Variants in AOPEP observed in about 807,000 individuals in gnomAD.
AOPEP encodes aminopeptidase O (putative), also known as aminopeptidase O.
In AOPEP, 77 loss-of-function variants were observed where a neutral mutation model predicts 98.1. The ratio of observed to expected loss-of-function variants is 0.78; its 90% CI spans 0.65 to 0.95. The LOEUF (loss-of-function observed/expected upper bound fraction) is 0.95. Among genes scored for constraint, AOPEP ranks in the 40% least tolerant of loss-of-function variants. The pLI, the probability that AOPEP is intolerant of heterozygous loss-of-function variation, is 0.00. For missense variants in AOPEP, 1,024 were observed against 1,024.7 expected (o/e 1.00, Z 0.01); for synonymous variants, 346 against 365.3 (o/e 0.95, Z 0.60).
In AOPEP at chr9:95,005,616, G is replaced by C. The variant is rs1171493980; in HGVS notation, c.2115G>C (p.Lys705Asn). The C allele has an allele frequency of 6.2e-7, 1 of 1,613,888 alleles. No individual in the cohort carries two copies. Among genetic ancestry groups the C allele is most frequent in the East Asian group, 2.2e-5 (1 of 44,872 alleles). ...KRREKEEVFE[K>N]LLPDQLVLLL... ...GGGAGAAGGAAGAGGTGTTTGAAAA[G>C]GTAGGGGTTCCCGAGACGGTACTCG... The change falls in exon 13 of 17, where the codon AAG becomes AAC. Residue 705 changes from lysine (K) to asparagine (N), a missense_variant and splice_region_variant. Physicochemically the swap from Lys to Asn is moderately conservative, Grantham distance 94 (BLOSUM62 0). Coordinates refer to ENST00000375315, the MANE Select transcript of AOPEP (RefSeq NM_001193329.3).
At chr9:94,959,814 A>G (rs1348844459) in intron 9 of AOPEP, among the ~76,000 whole-genome samples, 3 of 152,176 alleles carry the variant, frequency 2.0e-5, no homozygotes, top group Non-Finnish European at 2.9e-5. Flanking sequence ...TATATATGGC[A>G]TATGTGTGTA....
intron 2 of AOPEP, among the ~76,000 whole-genome samples, chr9:94,764,880 T>G (rs535121274): frequency 2.0e-5 from 3 of 152,274 alleles, no homozygotes; most frequent in Non-Finnish European, 4.4e-5. Context: ...TTTTATTTTA[T>G]TATTATTTTA....
chr9:94,887,730 T>G (rs2048396040), intron 5 of AOPEP, among the ~76,000 whole-genome samples: 1 of 152,188 alleles, frequency 6.6e-6, no homozygotes, highest in Non-Finnish European at 1.5e-5. Context: ...GTCCTCTCTT[T>G]CCTGTCCACG....
At chr9:95,047,451 TATA>T (rs1011951470) in intron 13 of AOPEP, among the ~76,000 whole-genome samples, 6 of 152,194 alleles carry the variant, frequency 3.9e-5, no homozygotes, top group African/African-American at 1.4e-4. Context: ...ATGTTTTAAT[TATA>T]ATTTTTCTCA....
At chr9:94,762,042 C>A (rs1379241831) in intron 2 of AOPEP, among the ~76,000 whole-genome samples, 2 of 152,130 alleles carry the variant, frequency 1.3e-5, no homozygotes, top group African/African-American at 4.8e-5. Context: ...TATTTATGGC[C>A]TCAAACATGA....
rs1179397682 is a variant in AOPEP, at chr9:95,012,938, T to A, written c.2115+7322T>A. On this transcript the variant is annotated intron_variant, in intron 13 of 16. Coordinates refer to ENST00000375315, the MANE Select transcript of AOPEP (RefSeq NM_001193329.3). ...TTATTTTGTTTTTTTTTTTTAACGT[T>A]AGAGGTTTTCATCAAAGTATATTTG... 1.3e-4 allele frequency among the ~76,000 whole-genome samples: 19 copies of A among 142,576 alleles called. No individual in the cohort carries two copies. In the South Asian group the frequency reaches 3.6e-3, roughly 27 times the overall value. 93.5% of individuals were successfully genotyped at this position (142,576 alleles called of 152,430 possible).
At chr9:94,901,475 T>C (rs561739031) in intron 5 of AOPEP, among the ~76,000 whole-genome samples, 1 of 152,162 alleles carries the variant, frequency 6.6e-6, no homozygotes, top group African/African-American at 2.4e-5. Context: ...ATTTGTTAAA[T>C]GTGGGATTTC....
chr9:95,128,042 G>A, the AOPEP span, among the ~76,000 whole-genome samples: 1 of 152,164 alleles, frequency 6.6e-6, no homozygotes, highest in Non-Finnish European at 1.5e-5. Flanking sequence ...CATTATCTAT[G>A]CAAGAAAATA....
chr9:94,864,095 G>A (rs912759565), intron 5 of AOPEP, among the ~76,000 whole-genome samples: 10 of 152,162 alleles, frequency 6.6e-5, no homozygotes, highest in Admixed American at 3.9e-4. Context: ...TGTCTTTTTA[G>A]CCTTATCAGA....
At chr9:95,015,190 A>T (rs2062872727) in intron 13 of AOPEP, among the ~76,000 whole-genome samples, 2 of 152,238 alleles carry the variant, frequency 1.3e-5, no homozygotes, top group Admixed American at 6.5e-5. Context: ...TGGATAATTG[A>T]ATTAACTGAG....
intron 1 of AOPEP, among the ~76,000 whole-genome samples, chr9:94,737,710 A>C (rs967670686): frequency 6.6e-6 from 1 of 152,236 alleles, no homozygotes; most frequent in African/African-American, 2.4e-5. Context: ...ATAAGACTGC[A>C]ATATGTATAA....
intron 11 of AOPEP, among the ~76,000 whole-genome samples, chr9:95,000,934 C>T (rs541093631): frequency 2.3e-4 from 35 of 152,192 alleles, no homozygotes; most frequent in African/African-American, 5.3e-4. Flanking sequence ...AAAGATCTTT[C>T]GGTTTCTTTT....
chr9:94,829,510 T>A (rs1855463665), intron 5 of AOPEP, among the ~76,000 whole-genome samples: 1 of 152,186 alleles, frequency 6.6e-6, no homozygotes, highest in African/African-American at 2.4e-5. Context: ...CTTTTCTCCC[T>A]TTCTTAAGTT....
At chr9:95,105,378 T>G in the AOPEP span, among the ~76,000 whole-genome samples, 16 of 152,294 alleles carry the variant, frequency 1.1e-4, no homozygotes, top group Middle Eastern at 3.4e-3. Context: ...TGCACAGGTG[T>G]TGTTGGTTTG....
intron 5 of AOPEP, among the ~76,000 whole-genome samples, chr9:94,901,113 G>T (rs868683244): frequency 6.6e-6 from 1 of 151,470 alleles, no homozygotes; most frequent in South Asian, 2.1e-4. Context: ...TAAGTGGTTC[G>T]GTGGGAGACA....
intron 1 of AOPEP, among the ~76,000 whole-genome samples, chr9:94,747,547 A>G (rs897718522): frequency 3.3e-5 from 5 of 152,226 alleles, no homozygotes; most frequent in Non-Finnish European, 5.9e-5. Flanking sequence ...AGGCATGAAC[A>G]AAGGGGAAAA....
At chr9:95,003,142 A>ATGTGTGTGTGTGTG (rs139797365) in intron 11 of AOPEP, among the ~76,000 whole-genome samples, 19 of 149,480 alleles carry the variant, frequency 1.3e-4, no homozygotes, top group African/African-American at 4.4e-4. Flanking sequence ...AGAATTAAGA[A>ATGTGTGTGTGTGTG]TGTGTGTGTG....
At chr9:94,999,635 A>T (rs544260191) in intron 11 of AOPEP, among the ~76,000 whole-genome samples, 2 of 152,320 alleles carry the variant, frequency 1.3e-5, no homozygotes, top group East Asian at 3.9e-4. Context: ...CCAGAACTTA[A>T]TGCGATAACA....
intron 13 of AOPEP, among the ~76,000 whole-genome samples, chr9:95,057,457 T>C (rs1167084158): frequency 6.6e-6 from 1 of 152,260 alleles, no homozygotes. Flanking sequence ...CGTGGTCTCT[T>C]TCATTTGCTT....
Sources: allele counts gnomAD v4.1 joint callset (sites outside exome capture counted in the v4.1 genomes callset), GRCh38; gene constraint gnomAD v4.1.1; transcripts MANE v1.5; gene names NCBI Gene and HGNC (gene_info 2026-07-23, HGNC 2026-07-21).